Variants in TLK2 observed in about 807,000 individuals in gnomAD.
TLK2 encodes the protein tousled like kinase 2, also known as serine/threonine-protein kinase tousled-like 2.
TLK2 carries 6 observed loss-of-function variants against 117.3 expected under a neutral mutation model. The observed-to-expected ratio is 0.05, with a 90% confidence interval of 0.03 to 0.10. The LOEUF is 0.10. TLK2 is among the 10% of genes least tolerant of loss of function. The pLI, the probability that TLK2 is intolerant of heterozygous loss-of-function variation, is 1.00. For synonymous variants in TLK2, 257 were observed against 316.7 expected, an observed-to-expected ratio of 0.81 and a Z score of 2.00; for missense variants, 299 against 901.2, an observed-to-expected ratio of 0.33 and a Z score of 8.56.
intron 16 of TLK2, among the ~76,000 whole-genome samples, chr17:62,590,919 AG>A (rs766528846): frequency 1.4e-4 from 22 of 152,226 alleles, no homozygotes; most frequent in Non-Finnish European, 3.1e-4. Context: ...CATCCTATTT[AG>A]GAGCTAGATT....
At chr17:62,485,925 A>G (rs1429825091) in intron 2 of TLK2, among the ~76,000 whole-genome samples, 4 of 145,264 alleles carry the variant, frequency 2.8e-5, no homozygotes, top group Non-Finnish European at 5.9e-5. Flanking sequence ...GGTTCACGCC[A>G]TTCTCCTGCC....
chr17:62,520,247 A>G (rs2075941316), intron 2 of TLK2, among the ~76,000 whole-genome samples: 1 of 152,060 alleles, frequency 6.6e-6, no homozygotes, highest in East Asian at 1.9e-4. Context: ...CCTATGAAAG[A>G]GCCCCTTTTC....
intron 12 of TLK2, chr17:62,574,517 G>T: frequency 6.3e-6 from 4 of 634,404 alleles, no homozygotes; most frequent in Admixed American, 3.0e-5. Flanking sequence ...AAATTTTGTT[G>T]TTGTTGTTTT....
intron 15 of TLK2, among the ~76,000 whole-genome samples, chr17:62,584,107 G>GTTTTTTTTTTTTTT (rs572000997): frequency 3.8e-5 from 3 of 78,522 alleles, no homozygotes; most frequent in Non-Finnish European, 6.8e-5. Context: ...TTCTTTTGTG[G>GTTTTTTTTTTTTTT]TTTTTTTTTT....
chr17:62,495,987 A>C (rs1403478686), intron 2 of TLK2, among the ~76,000 whole-genome samples: 1 of 152,046 alleles, frequency 6.6e-6, no homozygotes, highest in African/African-American at 2.4e-5. Flanking sequence ...ATTTTTTACT[A>C]GTTAATATAT....
At chr17:62,575,871 T>C (rs1214112461) in intron 12 of TLK2, among the ~76,000 whole-genome samples, 2 of 152,020 alleles carry the variant, frequency 1.3e-5, no homozygotes, top group Non-Finnish European at 2.9e-5. Flanking sequence ...TTCTTTCTTC[T>C]TTTTTTCACA....
chr17:62,502,689 A>AT (rs1567803989), intron 2 of TLK2, among the ~76,000 whole-genome samples: 1 of 152,238 alleles, frequency 6.6e-6, no homozygotes, highest in Non-Finnish European at 1.5e-5. Flanking sequence ...ATATAAATCA[A>AT]TTTGCAAGAT....
intron 21 of TLK2, 192 bp from the exon 22 acceptor site, chr17:62,612,200 A>T: frequency 1.9e-6 from 1 of 525,458 alleles, no homozygotes; most frequent in Non-Finnish European, 3.3e-6. Context: ...GGCAGCAGAG[A>T]GGTACTTCTG....
At chr17:62,554,340 C>T (rs1446035928) in intron 9 of TLK2, among the ~76,000 whole-genome samples, 1 of 152,046 alleles carries the variant, frequency 6.6e-6, no homozygotes, top group East Asian at 1.9e-4. Flanking sequence ...TTTGGGAGGC[C>T]AAGGCAGGTG....
intron 6 of TLK2, among the ~76,000 whole-genome samples, chr17:62,530,631 TCTCATAAA>T (rs896854686): frequency 6.6e-6 from 1 of 152,200 alleles, no homozygotes; most frequent in African/African-American, 2.4e-5. Context: ...CTTTTTTTGG[TCTCATAAA>T]ATATTACTGT....
At chr17:62,511,093 A>G (rs1281214281) in intron 2 of TLK2, among the ~76,000 whole-genome samples, 1 of 152,198 alleles carries the variant, frequency 6.6e-6, no homozygotes, top group Non-Finnish European at 1.5e-5. Flanking sequence ...CAAAAAATTG[A>G]CATTGGTACA....
intron 6 of TLK2, among the ~76,000 whole-genome samples, chr17:62,531,128 T>C (rs574718620): frequency 6.6e-6 from 1 of 152,358 alleles, no homozygotes; most frequent in African/African-American, 2.4e-5. Context: ...GGTTGGTATC[T>C]TTCATCCGTT....
chr17:62,584,561 A>C (rs921872241), intron 15 of TLK2, among the ~76,000 whole-genome samples: 20 of 152,138 alleles, frequency 1.3e-4, no homozygotes, highest in African/African-American at 4.8e-4. Flanking sequence ...ACTGCCTCTA[A>C]CCCAATATTT....
At chr17:62,506,518 C>G (rs2074702982) in intron 2 of TLK2, among the ~76,000 whole-genome samples, 1 of 151,816 alleles carries the variant, frequency 6.6e-6, no homozygotes, top group Admixed American at 6.6e-5. Context: ...GATTTTTTTT[C>G]TTTTTTTTCC....
intron 2 of TLK2, among the ~76,000 whole-genome samples, chr17:62,515,649 G>C (rs148047098): frequency 0.01 from 1,572 of 152,188 alleles, 14 homozygotes; most frequent in Non-Finnish European, 0.015. Flanking sequence ...ATCTGTTCAA[G>C]TCCTTTGCCC....
chr17:62,495,622 A>C (rs2073573170), intron 2 of TLK2, among the ~76,000 whole-genome samples: 1 of 142,996 alleles, frequency 7.0e-6, no homozygotes, highest in East Asian at 2.1e-4. Flanking sequence ...GTTTTCTTGA[A>C]GTCTAGGTAT....
intron 7 of TLK2, among the ~76,000 whole-genome samples, chr17:62,548,576 C>T (rs1467784747): frequency 4.6e-5 from 7 of 151,882 alleles, no homozygotes; most frequent in African/African-American, 9.7e-5. Context: ...CCACTGCACC[C>T]GGCCCTATGT....
At chr17:62,478,742 AC>A (rs1223323810), upstream of TLK2, among the ~76,000 whole-genome samples, 4 of 18,038 alleles carry the variant, frequency 2.2e-4, no homozygotes, top group African/African-American at 3.0e-4. Flanking sequence ...CGCTTCCCCC[AC>A]CCCCCCAGGA....
At chr17:62,574,587 G>T (rs1274334329) in intron 12 of TLK2, among the ~76,000 whole-genome samples, 2 of 151,658 alleles carry the variant, frequency 1.3e-5, no homozygotes, top group African/African-American at 4.8e-5. Context: ...GTGCTATCTC[G>T]GCTCACTGAA....
Sources: allele counts gnomAD v4.1 joint callset (sites outside exome capture counted in the v4.1 genomes callset), GRCh38; gene constraint gnomAD v4.1.1; transcripts MANE v1.5; gene names NCBI Gene and HGNC (gene_info 2026-07-23, HGNC 2026-07-21).